EPHA6: variants seen among roughly 807,000 people sequenced by gnomAD.
The protein encoded by EPHA6 is ephrin type-A receptor 6.
Under a neutral mutation model 112.0 loss-of-function variants are expected in EPHA6, and 50 were observed. The ratio of observed to expected loss-of-function variants is 0.45; its 90% CI spans 0.36 to 0.56. The LOEUF is 0.56. Ranked by LOEUF, EPHA6 falls within the 20% of genes least tolerant of loss-of-function variation. The pLI is 0.00. For missense variants in EPHA6, 1,280 were observed against 1,417.4 expected, an observed-to-expected ratio of 0.90 and a Z score of 1.56; for synonymous variants, 529 against 490.7, an observed-to-expected ratio of 1.08 and a Z score of -1.03.
intron 5 of EPHA6, among the ~76,000 whole-genome samples, chr3:97,333,899 A>G (rs2082928542): frequency 1.3e-5 from 2 of 152,122 alleles, no homozygotes; most frequent in Non-Finnish European, 2.9e-5. Context: ...TGGAGAAAGC[A>G]TTCAGTCTTG....
chr3:97,160,740 T>G (rs2076395139), intron 3 of EPHA6, among the ~76,000 whole-genome samples: 1 of 152,186 alleles, frequency 6.6e-6, no homozygotes, highest in Non-Finnish European at 1.5e-5. Context: ...GCAAGTCTGG[T>G]CATTTCTCCT....
At chr3:96,876,336 G>T (rs933491388) in intron 2 of EPHA6, among the ~76,000 whole-genome samples, 5 of 151,240 alleles carry the variant, frequency 3.3e-5, no homozygotes, top group South Asian at 2.1e-4. Context: ...ACCTTCAAAA[G>T]CTCTTTCAAA....
chr3:97,042,291 C>T (rs1034280156), intron 3 of EPHA6, among the ~76,000 whole-genome samples: 2 of 151,982 alleles, frequency 1.3e-5, no homozygotes, highest in Admixed American at 1.3e-4. Flanking sequence ...CTCCCTTTTT[C>T]CTGCTTTTGC....
At chr3:97,550,798 G>A (rs2093019332) in intron 11 of EPHA6, among the ~76,000 whole-genome samples, 1 of 151,848 alleles carries the variant, frequency 6.6e-6, no homozygotes, top group African/African-American at 2.4e-5. Context: ...ATTTATCTTG[G>A]TCCCTACCAT....
chr3:97,162,630 G>A (rs2076441755), intron 3 of EPHA6, among the ~76,000 whole-genome samples: 1 of 152,102 alleles, frequency 6.6e-6, no homozygotes, highest in Non-Finnish European at 1.5e-5. Flanking sequence ...TAAAAAGATA[G>A]AGATGCCTTT....
chr3:96,845,745 G>GTACCCT (rs2035035850), intron 1 of EPHA6, among the ~76,000 whole-genome samples: 1 of 151,990 alleles, frequency 6.6e-6, no homozygotes, highest in African/African-American at 2.4e-5. Flanking sequence ...TTGATATGAA[G>GTACCCT]GGTAAGATTC....
intron 3 of EPHA6, among the ~76,000 whole-genome samples, chr3:97,140,944 G>A (rs2075884671): frequency 6.6e-6 from 1 of 151,906 alleles, no homozygotes; most frequent in Admixed American, 6.6e-5. Flanking sequence ...TACCTAACAA[G>A]TAAGGACACC....
chr3:97,124,869 G>T (rs2048141296), intron 3 of EPHA6, among the ~76,000 whole-genome samples: 2 of 152,298 alleles, frequency 1.3e-5, no homozygotes, highest in Non-Finnish European at 2.9e-5. Context: ...AAATTTTAAG[G>T]TTAGGTATCA....
intron 5 of EPHA6, among the ~76,000 whole-genome samples, chr3:97,275,675 T>G (rs1382028540): frequency 6.6e-6 from 1 of 151,492 alleles, no homozygotes; most frequent in Non-Finnish European, 1.5e-5. Flanking sequence ...CTGTAACAGG[T>G]GAGTGATAAC....
At chr3:97,096,819 T>C (rs889120622) in intron 3 of EPHA6, among the ~76,000 whole-genome samples, 2 of 151,898 alleles carry the variant, frequency 1.3e-5, no homozygotes, top group African/African-American at 2.4e-5. Flanking sequence ...TATAGTATAA[T>C]CTTTTTTTAT....
chr3:96,969,245 T>C (rs1211669534), intron 2 of EPHA6, among the ~76,000 whole-genome samples: 1 of 151,910 alleles, frequency 6.6e-6, no homozygotes, highest in Non-Finnish European at 1.5e-5. Flanking sequence ...AATAGAAATA[T>C]GCTATACAAA....
chr3:97,033,568 T>C (rs1338439088), intron 3 of EPHA6, among the ~76,000 whole-genome samples: 1 of 151,998 alleles, frequency 6.6e-6, no homozygotes, highest in East Asian at 1.9e-4. Flanking sequence ...AGCTGTATGA[T>C]AGTGTTTGGC....
intron 3 of EPHA6, among the ~76,000 whole-genome samples, chr3:97,218,425 T>C (rs1010677862): frequency 6.6e-6 from 1 of 152,080 alleles, no homozygotes; most frequent in Non-Finnish European, 1.5e-5. Context: ...CTTAGGAAAC[T>C]TACAATTGTG....
chr3:97,014,733 A>G (rs1460755859), intron 3 of EPHA6, among the ~76,000 whole-genome samples: 5 of 152,234 alleles, frequency 3.3e-5, no homozygotes, highest in African/African-American at 9.6e-5. Flanking sequence ...GTTTCTTTAA[A>G]TGAATATTAC....
At chr3:97,652,706 G>A (rs1369543295) in intron 14 of EPHA6, among the ~76,000 whole-genome samples, 1 of 151,988 alleles carries the variant, frequency 6.6e-6, no homozygotes, top group African/African-American at 2.4e-5. Flanking sequence ...GCAAGCCTAA[G>A]GAGTTAAACC....
chr3:97,594,105 C>G (rs1255189781), intron 12 of EPHA6, among the ~76,000 whole-genome samples: 1 of 152,154 alleles, frequency 6.6e-6, no homozygotes, highest in Non-Finnish European at 1.5e-5. Flanking sequence ...AGAAGATGAG[C>G]AGATTGTGTA....
intron 1 of EPHA6, among the ~76,000 whole-genome samples, chr3:96,842,124 G>A: frequency 6.6e-6 from 1 of 152,178 alleles, no homozygotes; most frequent in African/African-American, 2.4e-5. Context: ...CTTCCTAAAA[G>A]GAAGATCTGA....
At chr3:97,292,992 G>T (rs1469183435) in intron 5 of EPHA6, among the ~76,000 whole-genome samples, 1 of 151,420 alleles carries the variant, frequency 6.6e-6, no homozygotes, top group Non-Finnish European at 1.5e-5. Context: ...GACCCATGGT[G>T]TCTAACTCCT....
chr3:97,495,952 T>G (rs559735982), intron 10 of EPHA6, among the ~76,000 whole-genome samples: 1 of 152,268 alleles, frequency 6.6e-6, no homozygotes, highest in African/African-American at 2.4e-5. Flanking sequence ...GTGAAAATGG[T>G]CAGTTTTTTC....
Sources: gnomAD v4.1 joint callset for allele counts (sites outside exome capture counted in the v4.1 genomes callset) on GRCh38, gnomAD v4.1.1 for gene constraint, MANE v1.5 for transcripts, NCBI Gene and HGNC (gene_info 2026-07-23, HGNC 2026-07-21) for gene names.